Variants in EYS observed in about 807,000 individuals in gnomAD.
EYS encodes protein eyes shut homolog.
A neutral mutation model predicts 282.1 loss-of-function variants in EYS; 250 were observed. The observed-to-expected ratio is 0.89, with a 90% CI of 0.80 to 0.98. EYS has a LOEUF of 0.98. Among genes scored for constraint, EYS ranks in the 50% least tolerant of loss-of-function variants. The pLI, the probability that EYS is intolerant of heterozygous loss-of-function variation, is 0.00. For synonymous variants in EYS, 1,355 were observed against 1,282.9 expected (o/e 1.06, Z -1.20); for missense variants, 4,016 against 3,709.0 (o/e 1.08, Z -2.15).
intron 21 of EYS, among the ~76,000 whole-genome samples, chr6:64,814,282 C>T (rs1764683115): frequency 6.6e-6 from 1 of 151,976 alleles, no homozygotes. Flanking sequence ...CATAGTTTTA[C>T]TTACTTATTC....
At chr6:64,348,588 G>A (rs1423918995) in intron 29 of EYS, among the ~76,000 whole-genome samples, 1 of 151,442 alleles carries the variant, frequency 6.6e-6, no homozygotes, top group African/African-American at 2.4e-5. Flanking sequence ...CTCTAACTGA[G>A]CAATTATCAA....
intron 28 of EYS, among the ~76,000 whole-genome samples, chr6:64,420,470 C>T (rs1774195233): frequency 1.3e-5 from 2 of 151,604 alleles, no homozygotes; most frequent in Admixed American, 6.6e-5. Flanking sequence ...GAATTTCTCC[C>T]CAGAAAATGG....
chr6:65,684,031 C>T (rs1582599537), intron 1 of EYS, among the ~76,000 whole-genome samples: 1 of 151,882 alleles, frequency 6.6e-6, no homozygotes, highest in South Asian at 2.1e-4. Context: ...TCTGTTTATT[C>T]TTTAGTGGAT....
intron 16 of EYS, among the ~76,000 whole-genome samples, chr6:64,908,185 C>T (rs1346602323): frequency 6.6e-6 from 1 of 152,106 alleles, no homozygotes; most frequent in Admixed American, 6.5e-5. Context: ...GTCTATTATG[C>T]TCAAGCTTTT....
intron 36 of EYS, among the ~76,000 whole-genome samples, chr6:63,841,682 C>T (rs942653558): frequency 1.3e-5 from 2 of 152,102 alleles, no homozygotes; most frequent in African/African-American, 4.8e-5. Flanking sequence ...CATAGGTGTA[C>T]ATGTGCCATG....
intron 13 of EYS, among the ~76,000 whole-genome samples, chr6:65,020,366 A>C (rs1292197983): frequency 6.6e-6 from 1 of 152,168 alleles, no homozygotes; most frequent in Non-Finnish European, 1.5e-5. Context: ...AATTAACCAA[A>C]ACATAGAGGC....
At chr6:64,027,477 A>G (rs1274467947) in intron 33 of EYS, among the ~76,000 whole-genome samples, 3 of 152,192 alleles carry the variant, frequency 2.0e-5, no homozygotes, top group South Asian at 2.1e-4. Context: ...AGGCATTACT[A>G]AACCTGGCAA....
chr6:65,046,883 G>GTGAT (rs887760991), intron 13 of EYS, among the ~76,000 whole-genome samples: 68 of 151,932 alleles, frequency 4.5e-4, no homozygotes, highest in African/African-American at 1.5e-3. Flanking sequence ...TCACCCCTTT[G>GTGAT]TGATAAGTGA....
intron 21 of EYS, among the ~76,000 whole-genome samples, chr6:64,814,684 T>C (rs1764696011): frequency 6.6e-6 from 1 of 151,998 alleles, no homozygotes; most frequent in African/African-American, 2.4e-5. Flanking sequence ...CACCCATAAT[T>C]CTGAGAACTA....
chr6:64,659,975 C>A (rs1390917946), intron 22 of EYS, among the ~76,000 whole-genome samples: 4 of 152,044 alleles, frequency 2.6e-5, no homozygotes, highest in African/African-American at 9.7e-5. Flanking sequence ...AATATCGAGG[C>A]AAAAATCCTC....
chr6:65,271,852 G>A (rs1457140696), intron 12 of EYS, among the ~76,000 whole-genome samples: 1 of 152,114 alleles, frequency 6.6e-6, no homozygotes, highest in East Asian at 1.9e-4. Flanking sequence ...CCAAAGTGCT[G>A]GAATTGCAGG....
chr6:64,887,085 G>T (rs1360149698), intron 18 of EYS, among the ~76,000 whole-genome samples: 2 of 151,778 alleles, frequency 1.3e-5, no homozygotes, highest in South Asian at 2.1e-4. Flanking sequence ...ACTGTAACCT[G>T]ATAAATACTA....
intron 22 of EYS, among the ~76,000 whole-genome samples, chr6:64,797,175 C>A (rs1774378841): frequency 6.6e-6 from 1 of 151,816 alleles, no homozygotes; most frequent in South Asian, 2.1e-4. Flanking sequence ...TGGCAGCAAA[C>A]AATTGACCAA....
chr6:64,213,812 A>G (rs1414904553), intron 31 of EYS, among the ~76,000 whole-genome samples: 2 of 152,148 alleles, frequency 1.3e-5, no homozygotes, highest in Non-Finnish European at 2.9e-5. Context: ...AATGGGTTTA[A>G]AATGAAGGAA....
chr6:64,401,525 CT>C (rs975038226), intron 28 of EYS, among the ~76,000 whole-genome samples: 3 of 151,916 alleles, frequency 2.0e-5, no homozygotes, highest in Non-Finnish European at 2.9e-5. Flanking sequence ...TGAAGACACA[CT>C]TTTTTTATTG....
At chr6:64,313,362 T>C (rs1039287848) in intron 29 of EYS, among the ~76,000 whole-genome samples, 1 of 118,526 alleles carries the variant, frequency 8.4e-6, no homozygotes, top group Non-Finnish European at 2.0e-5. Context: ...GAACAAAGTC[T>C]CCAAGAAATG....
chr6:63,834,405 C>A (rs139984763), intron 36 of EYS, among the ~76,000 whole-genome samples: 194 of 152,198 alleles, frequency 1.3e-3, no homozygotes, highest in South Asian at 2.9e-3. Context: ...TATGAACAGA[C>A]CCTTCTCAAA....
At chr6:64,083,900 GC>G (rs1772059405) in intron 31 of EYS, among the ~76,000 whole-genome samples, 1 of 152,058 alleles carries the variant, frequency 6.6e-6, no homozygotes, top group African/African-American at 2.4e-5. Context: ...ACCATGCCTG[GC>G]TAACTTTTGT....
Position 64,634,078 on chromosome 6 carries a change from A to G in EYS, c.3444-7833T>C, listed in dbSNP as rs549409252. ...AACTCACTTCAACCTCCGCCTCCCG[A>G]GTTCAAGCAATTCTCCTGCCTCAGC... On this transcript the variant is annotated intron_variant, in intron 22 of 42. Transcript: ENST00000503581. 2.6e-5 allele frequency among the ~76,000 whole-genome samples: 4 copies of G among 152,216 alleles called. No individual in the cohort carries two copies. In the South Asian group the frequency reaches 8.3e-4, roughly 32 times the overall value.
Sources: allele counts gnomAD v4.1 joint callset (sites outside exome capture counted in the v4.1 genomes callset), GRCh38; gene constraint gnomAD v4.1.1; transcripts MANE v1.5; gene names NCBI Gene and HGNC (gene_info 2026-07-23, HGNC 2026-07-21).